Variants in COP1 observed in about 807,000 individuals in gnomAD.
The protein encoded by COP1 is COP1 E3 ubiquitin ligase, also known as E3 ubiquitin-protein ligase COP1.
In COP1, 24 loss-of-function variants were observed where a neutral mutation model predicts 101.3. That is an observed-to-expected ratio of 0.24 (90% confidence interval 0.17 to 0.33). COP1 has a LOEUF of 0.33. Among genes scored for constraint, COP1 ranks in the 10% least tolerant of loss-of-function variants. The pLI is 1.00. For missense variants in COP1, 663 were observed against 906.2 expected (o/e 0.73, Z 3.45); for synonymous variants, 347 against 341.9 (o/e 1.01, Z -0.17).
At chr1:175,999,113 T>C (rs560106045) in intron 15 of COP1, among the ~76,000 whole-genome samples, 48 of 152,198 alleles carry the variant, frequency 3.2e-4, no homozygotes, top group African/African-American at 1.1e-3. Context: ...TAGCATCTAA[T>C]AGCAAATAAA....
chr1:176,078,901 C>CAGAGA (rs1390489077), intron 11 of COP1, among the ~76,000 whole-genome samples: 17 of 152,210 alleles, frequency 1.1e-4, no homozygotes, highest in Non-Finnish European at 2.2e-4. Flanking sequence ...CACTCAGCAT[C>CAGAGA]ACTAATCATC....
At chr1:176,111,221 T>C (rs907297567) in intron 9 of COP1, among the ~76,000 whole-genome samples, 1 of 152,186 alleles carries the variant, frequency 6.6e-6, no homozygotes, top group Non-Finnish European at 1.5e-5. Flanking sequence ...TTAATAAATA[T>C]GAATAGTTCA....
chr1:176,177,097 G>A (rs1019526583), intron 2 of COP1, among the ~76,000 whole-genome samples: 1 of 151,984 alleles, frequency 6.6e-6, no homozygotes, highest in Non-Finnish European at 1.5e-5. Flanking sequence ...AAATAAATTT[G>A]TAAACATCAA....
At chr1:176,066,074 T>C (rs1191082706) in intron 11 of COP1, among the ~76,000 whole-genome samples, 1 of 152,116 alleles carries the variant, frequency 6.6e-6, no homozygotes, top group Non-Finnish European at 1.5e-5. Context: ...AAAAAGAATC[T>C]ACATAAGTCT....
At chr1:176,051,058 A>AT (rs1210337018) in intron 11 of COP1, among the ~76,000 whole-genome samples, 1 of 152,226 alleles carries the variant, frequency 6.6e-6, no homozygotes, top group Non-Finnish European at 1.5e-5. Context: ...ACACAAAGGG[A>AT]TAAAAAAAAG....
chr1:176,166,370 G>C (rs1327963925), intron 3 of COP1, among the ~76,000 whole-genome samples: 1 of 152,070 alleles, frequency 6.6e-6, no homozygotes, highest in Non-Finnish European at 1.5e-5. Flanking sequence ...CGAGTGATCC[G>C]TCTACCTTGG....
chr1:176,041,595 C>A (rs988665882), intron 14 of COP1, among the ~76,000 whole-genome samples: 1 of 152,078 alleles, frequency 6.6e-6, no homozygotes, highest in Non-Finnish European at 1.5e-5. Flanking sequence ...GTGATCCACC[C>A]GCCTCAATCT....
intron 8 of COP1, among the ~76,000 whole-genome samples, chr1:176,133,670 T>C (rs777208999): frequency 1.7e-4 from 26 of 151,910 alleles, no homozygotes; most frequent in Admixed American, 1.3e-4. Flanking sequence ...TGCACCGTAC[T>C]GTCACAATTT....
At chr1:176,146,045 A>T (rs1430931444) in intron 6 of COP1, among the ~76,000 whole-genome samples, 1 of 152,198 alleles carries the variant, frequency 6.6e-6, no homozygotes, top group African/African-American at 2.4e-5. Context: ...TTTAAAATTC[A>T]ATTCACTAAA....
In COP1 at chr1:175,995,927, T is replaced by G. The variant is rs377151325; in HGVS notation, c.1730-6448A>C. Among the ~76,000 whole-genome samples the G allele has an allele frequency of 4.6e-3, 698 of 151,284 alleles. 3 individuals carry two copies. The highest frequency in any genetic ancestry group is 0.028 in the Middle Eastern group (8 of 288). On this transcript the variant is annotated intron_variant, in intron 15 of 19. Transcript: ENST00000367669. ...CCAGCATCATCCTGATACCAAAGCC[T>G]GGCAGAGACACAACCAAAAAAGAGA...
chr1:176,138,622 C>G (rs1690168257), intron 6 of COP1, among the ~76,000 whole-genome samples: 1 of 152,086 alleles, frequency 6.6e-6, no homozygotes, highest in African/African-American at 2.4e-5. Flanking sequence ...GTTTACAGGA[C>G]TTATTAATAG....
chr1:176,171,833 G>A (rs1696116587), intron 3 of COP1, among the ~76,000 whole-genome samples: 1 of 152,192 alleles, frequency 6.6e-6, no homozygotes, highest in Non-Finnish European at 1.5e-5. Context: ...AAAACTATGT[G>A]TGTGATATGA....
chr1:176,108,497 T>C (rs1186444167), intron 9 of COP1, among the ~76,000 whole-genome samples: 1 of 152,154 alleles, frequency 6.6e-6, no homozygotes. Flanking sequence ...ATTGATCACA[T>C]GTATATACTG....
intron 6 of COP1, among the ~76,000 whole-genome samples, chr1:176,146,079 AC>A (rs1691550242): frequency 6.6e-6 from 1 of 152,214 alleles, no homozygotes; most frequent in African/African-American, 2.4e-5. Context: ...CCAAAAGGAA[AC>A]CAAGACTCAT....
chr1:176,038,833 A>G (rs1017709545), intron 14 of COP1, among the ~76,000 whole-genome samples: 1 of 149,922 alleles, frequency 6.7e-6, no homozygotes, highest in Admixed American at 6.7e-5. Context: ...AAAAAAAAAG[A>G]AAAGAAAAAG....
Position 176,171,785 on chromosome 1 carries a change from T to C in COP1, c.565+4125A>G, listed in dbSNP as rs148557947. On this transcript the variant is annotated intron_variant, in intron 3 of 19. Coordinates refer to ENST00000367669, the MANE Select transcript of COP1 (RefSeq NM_022457.7). ...TTACAGAAAAGTACTACAGGCAGAT[T>C]AGTCAGAATTTCAAGCACGGAAATA... Among the ~76,000 whole-genome samples, 400 of 152,276 alleles carry C rather than the reference T, an allele frequency of 2.6e-3. 3 individuals are homozygous for C. The highest frequency in any genetic ancestry group is 9.2e-3 in the African/African-American group (382 of 41,562).
At chr1:176,010,394 T>A (rs939091280) in intron 15 of COP1, among the ~76,000 whole-genome samples, 13 of 152,196 alleles carry the variant, frequency 8.5e-5, no homozygotes, top group African/African-American at 3.1e-4. Flanking sequence ...ATTTATTAAG[T>A]TTTTACTAGT....
At chr1:176,010,711 T>C (rs1237653780) in intron 15 of COP1, among the ~76,000 whole-genome samples, 2 of 152,194 alleles carry the variant, frequency 1.3e-5, no homozygotes, top group East Asian at 1.9e-4. Flanking sequence ...CTTATTTCAG[T>C]TGTTAAGCCA....
chr1:175,953,257 C>A, intron 18 of COP1, among the ~76,000 whole-genome samples: 1 of 149,812 alleles, frequency 6.7e-6, no homozygotes. Flanking sequence ...ACCTAATAAG[C>A]TAGTAAAGGA....
Sources: allele counts gnomAD v4.1 joint callset (sites outside exome capture counted in the v4.1 genomes callset), GRCh38; gene constraint gnomAD v4.1.1; transcripts MANE v1.5; gene names NCBI Gene and HGNC (gene_info 2026-07-23, HGNC 2026-07-21).